SMG6: variants seen among roughly 807,000 people sequenced by gnomAD.
The protein encoded by SMG6 is telomerase-binding protein EST1A.
A neutral mutation model predicts 142.2 loss-of-function variants in SMG6; 66 were observed. That is an observed-to-expected ratio of 0.46 (90% CI 0.38 to 0.57). The LOEUF (loss-of-function observed/expected upper bound fraction) is 0.57, where lower values mean the gene tolerates loss of function less well. Ranked by LOEUF, SMG6 falls within the 20% of genes least tolerant of loss-of-function variation. The pLI is 0.00. For synonymous variants in SMG6, 779 were observed against 702.4 expected (o/e 1.11, Z -1.72); for missense variants, 1,793 against 1,832.0 (o/e 0.98, Z 0.39).
intron 6 of SMG6, among the ~76,000 whole-genome samples, chr17:2,284,637 C>A (rs8074850): frequency 0.42 from 63,258 of 152,008 alleles, 14,176 homozygotes; most frequent in African/African-American, 0.59. Context: ...TCTACCCATT[C>A]TTCAAAACTC....
chr17:2,263,219 C>T (rs1165136459), intron 8 of SMG6, among the ~76,000 whole-genome samples: 2 of 152,192 alleles, frequency 1.3e-5, no homozygotes, highest in African/African-American at 4.8e-5. Context: ...TACAAATGTG[C>T]ATGAGGTTGA....
At chr17:2,289,429 T>C (rs1475978154) in intron 6 of SMG6, among the ~76,000 whole-genome samples, 2 of 151,284 alleles carry the variant, frequency 1.3e-5, no homozygotes, top group African/African-American at 4.9e-5. Flanking sequence ...TGATGGTGAG[T>C]GCCTGTAGTC....
intron 13 of SMG6, among the ~76,000 whole-genome samples, chr17:2,135,907 G>C (rs990938427): frequency 2.1e-5 from 3 of 143,140 alleles, no homozygotes; most frequent in African/African-American, 5.4e-5. Flanking sequence ...GGCTGGTCTT[G>C]AACGCTTGGA....
At chr17:2,267,882 G>A (rs2074457517) in intron 8 of SMG6, among the ~76,000 whole-genome samples, 1 of 151,760 alleles carries the variant, frequency 6.6e-6, no homozygotes, top group African/African-American at 2.4e-5. Flanking sequence ...CGAGTAGATG[G>A]GACTACAGGC....
At chr17:2,275,549 T>G (rs148407974) in intron 8 of SMG6, among the ~76,000 whole-genome samples, 70 of 152,274 alleles carry the variant, frequency 4.6e-4, no homozygotes, top group African/African-American at 1.6e-3. Flanking sequence ...AACAAAACAA[T>G]CAGATCTAAA....
rs141844553 is a variant in SMG6 at position 2,291,913 on chromosome 17, T to C, written c.2337+639A>G. 8.9e-3 allele frequency among the ~76,000 whole-genome samples: 1,356 copies of C among 151,852 alleles called. 20 individuals are homozygous for C. Among genetic ancestry groups the C allele is most frequent in the African/African-American group, 0.031 (1,278 of 41,392 alleles). On this transcript the variant is annotated intron_variant, in intron 6 of 18. Coordinates refer to ENST00000263073, the MANE Select transcript of SMG6 (RefSeq NM_017575.5). ...TCCTTGCTAATGAGCATCTTATTTG[T>C]TTCTTACGATGGAACCTCTGGTACC...
chr17:2,163,733 A>T (rs1446974772), intron 13 of SMG6, among the ~76,000 whole-genome samples: 1 of 151,078 alleles, frequency 6.6e-6, no homozygotes, highest in Admixed American at 6.6e-5. Context: ...TAGGACCAAC[A>T]CAGACTGAAT....
intron 13 of SMG6, among the ~76,000 whole-genome samples, chr17:2,111,416 A>G (rs897741567): frequency 6.6e-6 from 1 of 152,172 alleles, no homozygotes; most frequent in African/African-American, 2.4e-5. Context: ...TATCTCGCTC[A>G]AAGAGGTCCT....
chr17:2,105,433 C>A (rs866629711), intron 13 of SMG6, among the ~76,000 whole-genome samples: 1 of 152,186 alleles, frequency 6.6e-6, no homozygotes, highest in Non-Finnish European at 1.5e-5. Context: ...GTAATCCCAG[C>A]TACCTGGGAG....
chr17:2,132,164 C>T lies in SMG6; in HGVS notation c.3357+40494G>A, dbSNP rs562511988. Among the ~76,000 whole-genome samples the T allele has an allele frequency of 9.2e-5, 14 of 152,280 alleles. No individual in the cohort carries two copies. In the East Asian group the frequency reaches 2.1e-3, roughly 23 times the overall value. On this transcript the variant is annotated intron_variant, in intron 13 of 18. Coordinates refer to ENST00000263073, the MANE Select transcript of SMG6 (RefSeq NM_017575.5). ...TCGGGATTACAGGCATGAGCCACCA[C>T]GCCCAGTGAATTTATTTTGCTTATT...
chr17:2,251,323 G>GA (rs1250134426), intron 8 of SMG6, among the ~76,000 whole-genome samples: 1 of 151,084 alleles, frequency 6.6e-6, no homozygotes, highest in East Asian at 1.9e-4. Context: ...TGCCTCGTAG[G>GA]AAGATGTAGC....
At chr17:2,179,419 T>C (rs2071741383) in intron 12 of SMG6, among the ~76,000 whole-genome samples, 2 of 152,162 alleles carry the variant, frequency 1.3e-5, no homozygotes, top group South Asian at 4.1e-4. Flanking sequence ...AGTCAACACA[T>C]GGAAGCTCCC....
intron 13 of SMG6, among the ~76,000 whole-genome samples, chr17:2,089,165 G>A (rs2232476): frequency 1.4e-4 from 21 of 152,144 alleles, no homozygotes; most frequent in Non-Finnish European, 3.1e-4. Context: ...AACTCTGCTC[G>A]TGAGCACATT....
At chr17:2,276,315 A>G (rs548032144) in intron 8 of SMG6, among the ~76,000 whole-genome samples, 1 of 152,212 alleles carries the variant, frequency 6.6e-6, no homozygotes, top group South Asian at 2.1e-4. Context: ...CCAAACATCT[A>G]CAGCTACCCC....
chr17:2,147,040 A>T (rs538886582), intron 13 of SMG6, among the ~76,000 whole-genome samples: 1 of 152,338 alleles, frequency 6.6e-6, no homozygotes, highest in East Asian at 1.9e-4. Flanking sequence ...TCAAAAAGAA[A>T]GAAAATCCAA....
At chr17:2,184,366 A>G (rs1353782075) in intron 12 of SMG6, among the ~76,000 whole-genome samples, 24 of 150,424 alleles carry the variant, frequency 1.6e-4, no homozygotes, top group African/African-American at 2.5e-5. Context: ...CTGGGGGGAA[A>G]AAAAAAAAGG....
rs774106209 is a variant in SMG6 at position 2,283,681 on chromosome 17, G to A, written c.2392C>T (p.Pro798Ser). The change falls in exon 7 of 19, where the codon CCT becomes TCT. Residue 798 changes from proline to serine, a missense_variant. Coordinates refer to ENST00000263073, the MANE Select transcript of SMG6 (RefSeq NM_017575.5). ...YYMRSLAASNPILTAKESLMS... is the reference protein window; with the variant it reads ...YYMRSLAASNSILTAKESLMS... The stretch of plus-strand genomic sequence containing the variant: ...AGACTCTCCTTGGCAGTCAGGATAG[G>A]GTTGCTGGCAGCTAAACTGCGCATA... 89 of 1,614,146 alleles carry A rather than the reference G, an allele frequency of 5.5e-5. No individual in the cohort carries two copies. The Middle Eastern group carries it at 1.5e-3, about 27-fold the overall frequency.
At chr17:2,234,034 T>G (rs1179572628) in intron 10 of SMG6, among the ~76,000 whole-genome samples, 1 of 152,036 alleles carries the variant, frequency 6.6e-6, no homozygotes, top group Non-Finnish European at 1.5e-5. Flanking sequence ...GAGGTGACAA[T>G]GAGGTGAGAG....
At chr17:2,121,071 TGGGCCAC>T (rs1333125563) in intron 13 of SMG6, among the ~76,000 whole-genome samples, 1 of 152,240 alleles carries the variant, frequency 6.6e-6, no homozygotes, top group African/African-American at 2.4e-5. Flanking sequence ...GTGCAGCCTG[TGGGCCAC>T]GGGTTGGACA....
Sources: gnomAD v4.1 joint callset for allele counts (sites outside exome capture counted in the v4.1 genomes callset) on GRCh38, gnomAD v4.1.1 for gene constraint, MANE v1.5 for transcripts, NCBI Gene and HGNC (gene_info 2026-07-23, HGNC 2026-07-21) for gene names.